Variants in SPATA21 observed in about 807,000 individuals in gnomAD.
SPATA21 encodes the protein spermatogenesis-associated protein 21.
A neutral mutation model predicts 54.8 loss-of-function variants in SPATA21; 47 were observed. The observed-to-expected ratio is 0.86, with a 90% CI of 0.68 to 1.09. SPATA21 has a LOEUF of 1.09. SPATA21 is among the 50% of genes least tolerant of loss of function. SPATA21 has a pLI of 0.00. For synonymous variants in SPATA21, 245 were observed against 235.3 expected (o/e 1.04, Z -0.38); for missense variants, 599 against 596.4 (o/e 1.00, Z -0.05).
intron 3 of SPATA21, among the ~76,000 whole-genome samples, chr1:16,429,146 TA>T (rs1301955011): frequency 6.6e-6 from 1 of 152,076 alleles, no homozygotes; most frequent in Non-Finnish European, 1.5e-5. Flanking sequence ...GTTGACTTTT[TA>T]TTTTTTTTTT....
At chr1:16,422,127 C>A (rs539256557) in intron 3 of SPATA21, 156 bp from the exon 4 acceptor site, 1 of 1,502,810 alleles carries the variant, frequency 6.7e-7, no homozygotes, top group African/African-American at 1.4e-5. Flanking sequence ...GCTGGCCAAG[C>A]GGCAGCAAGG....
Position 16,404,952 on chromosome 1 carries a change from C to G in SPATA21, c.811+15G>C, listed in dbSNP as rs775376261. Reference sequence around the variant, plus strand: ...GCCCTGCCTGGGATGCAGAGTGGAGCCCTCTGCCACTCACCATTGACATCA... The same window carrying G: ...GCCCTGCCTGGGATGCAGAGTGGAGGCCTCTGCCACTCACCATTGACATCA... On this transcript the variant is annotated intron_variant, in intron 8 of 12. Coordinates refer to ENST00000335496, the MANE Select transcript of SPATA21 (RefSeq NM_198546.1). The G allele has an allele frequency of 6.4e-7, 1 of 1,553,634 alleles. No homozygotes were observed. The highest frequency in any genetic ancestry group is 1.2e-5 in the South Asian group (1 of 80,514).
At chr1:16,426,522 G>T (rs866920667) in intron 3 of SPATA21, among the ~76,000 whole-genome samples, 3 of 146,306 alleles carry the variant, frequency 2.1e-5, no homozygotes, top group Non-Finnish European at 4.5e-5. Context: ...ACTTCCCAAA[G>T]TGTTGAGATT....
intron 3 of SPATA21, among the ~76,000 whole-genome samples, chr1:16,424,251 T>A (rs1224295578): frequency 1.6e-5 from 2 of 121,792 alleles, no homozygotes; most frequent in Non-Finnish European, 1.7e-5. Context: ...AGGCAGAGCT[T>A]GCAGTGAGCC....
chr1:16,406,481 A>G (rs935592462), intron 7 of SPATA21, among the ~76,000 whole-genome samples: 1 of 152,126 alleles, frequency 6.6e-6, no homozygotes, highest in African/African-American at 2.4e-5. Context: ...GATGGCTTAC[A>G]CCATCTACCC....
At chr1:16,434,105 T>C (rs1454858482) in intron 1 of SPATA21, among the ~76,000 whole-genome samples, 1 of 152,032 alleles carries the variant, frequency 6.6e-6, no homozygotes, top group Non-Finnish European at 1.5e-5. Context: ...AATCATACAA[T>C]ATATGGTCCT....
intron 5 of SPATA21, among the ~76,000 whole-genome samples, chr1:16,415,032 A>C (rs1032458817): frequency 1.3e-5 from 2 of 151,972 alleles, no homozygotes; most frequent in Non-Finnish European, 2.9e-5. Flanking sequence ...CCTAAAACAA[A>C]CTAGCAATTA....
In SPATA21 at chr1:16,421,493, C is replaced by G; in HGVS notation, c.144+16G>C. On this transcript the variant is annotated intron_variant, in intron 5 of 12. Transcript: ENST00000335496. The surrounding 1 kb of genome is among the most constrained non-coding windows in gnomAD (Gnocchi z 5.2). ...CCTACACAGCTCGTCCCCGTTCCCC[C>G]TATGGCCCTACTTACTGGTGGAGGA... 6.2e-7 allele frequency: 1 copy of G among 1,612,488 alleles called. No individual in the cohort carries two copies. Among genetic ancestry groups the G allele is most frequent in the Non-Finnish European group, 8.5e-7 (1 of 1,179,198 alleles).
rs201084869 is a variant in SPATA21 at position 16,431,408 on chromosome 1, T to C, written c.-37A>G. On this transcript the variant is annotated 5_prime_UTR_variant, in exon 3 of 13. An upstream start codon of the reference 5' UTR is lost. Transcript: ENST00000335496. ...CAACACGGGTGCCAAGTGAGGGGCA[T>C]CACCTAGTGTGCTCCTACAGGAGAA... is the stretch of plus-strand genomic sequence containing the variant. 2,026 of 1,613,142 alleles carry C rather than the reference T, an allele frequency of 1.3e-3. 32 individuals carry two copies. The South Asian group carries it at 0.016, about 13-fold the overall frequency.
intron 1 of SPATA21, among the ~76,000 whole-genome samples, chr1:16,435,854 T>C (rs965868233): frequency 6.6e-6 from 1 of 152,222 alleles, no homozygotes; most frequent in Non-Finnish European, 1.5e-5. Context: ...TCTAGATACA[T>C]GTCCTGAATC....
At chr1:16,419,323 G>A (rs980605567) in intron 5 of SPATA21, among the ~76,000 whole-genome samples, 1 of 152,184 alleles carries the variant, frequency 6.6e-6, no homozygotes, top group Non-Finnish European at 1.5e-5. Context: ...AGGGCTTTAT[G>A]GCTCTTGGTG....
Position 16,400,721 on chromosome 1 carries a change from A to G in SPATA21, c.1173T>C (p.Tyr391=). 1.9e-6 allele frequency: 3 copies of G among 1,567,966 alleles called. No individual in the cohort carries two copies. Among genetic ancestry groups the G allele is most frequent in the Admixed American group, 1.7e-5 (1 of 58,594 alleles). The part of the protein sequence containing the change: ...SILSRLKQQN[Y]APNLQSPYAQ... The stretch of plus-strand genomic sequence containing the variant: ...TCCCACCCTGCCCAGGGCCCTCACC[A>G]TAGTTCTGCTGCTTCAGCCGGCTCA... Residue 391 remains tyrosine, a splice_region_variant and synonymous_variant, in exon 11 of 13, where the codon TAT becomes TAC. Transcript: ENST00000335496.
At chr1:16,400,682 C>G (rs2085416148) in intron 11 of SPATA21, 38 bp downstream of exon 11, 1 of 1,575,722 alleles carries the variant, frequency 6.3e-7, no homozygotes, top group African/African-American at 1.4e-5. Flanking sequence ...GAGCAAAGCC[C>G]CAACCCTAGC....
rs143591795 is a variant in SPATA21, at chr1:16,400,802, G to A, written c.1092C>T (p.Tyr364=). ...CTGAGCTCTCTTCTTGCTGGGGGTTGTAGGGAAGCTTCTGCAACCGCAGCC... is the reference window on the plus strand; with the variant it reads ...CTGAGCTCTCTTCTTGCTGGGGGTTATAGGGAAGCTTCTGCAACCGCAGCC... ...VGRLRLQKLP[Y]NPQQEESSEV... Residue 364 remains tyrosine, a synonymous_variant, in exon 11 of 13, where the codon TAC becomes TAT. Transcript: ENST00000335496. 4 of 1,610,956 alleles carry A rather than the reference G, an allele frequency of 2.5e-6. No homozygotes were observed. Among genetic ancestry groups the A allele is most frequent in the Non-Finnish European group, 3.4e-6 (4 of 1,179,108 alleles).
intron 3 of SPATA21, among the ~76,000 whole-genome samples, chr1:16,424,324 AT>A (rs1194303735): frequency 4.7e-5 from 7 of 149,360 alleles, no homozygotes; most frequent in Non-Finnish European, 1.0e-4. Flanking sequence ...AAAAAAAAAA[AT>A]CTTACAGATA....
At chr1:16,411,029 C>G (rs1203812090) in intron 5 of SPATA21, 3 of 166,314 alleles carry the variant, frequency 1.8e-5, no homozygotes, top group South Asian at 2.6e-4. Context: ...GTTCCCTCCC[C>G]TCAGAGGGAC....
chr1:16,400,699 C>T, intron 11 of SPATA21, 21 bp downstream of exon 11: 2 of 1,599,232 alleles, frequency 1.3e-6, no homozygotes, highest in Non-Finnish European at 8.5e-7. Flanking sequence ...TAGCCCATCC[C>T]ACCCTGCCCA....
intron 1 of SPATA21, among the ~76,000 whole-genome samples, chr1:16,435,617 C>G (rs946804398): frequency 6.6e-6 from 1 of 150,448 alleles, no homozygotes; most frequent in African/African-American, 2.4e-5. Context: ...ATGCCCGGCC[C>G]CCCCCTTTTT....
Position 16,409,700 on chromosome 1 carries a change from G to C in SPATA21, c.488C>G (p.Pro163Arg), listed in dbSNP as rs1403579603. The C allele has an allele frequency of 1.2e-6, 2 of 1,613,098 alleles. No homozygotes were observed. The highest frequency in any genetic ancestry group is 3.3e-5 in the Admixed American group (2 of 59,970). Residue 163 changes from proline to arginine, a missense_variant, in exon 6 of 13, where the codon CCT becomes CGT. Coordinates refer to ENST00000335496, the MANE Select transcript of SPATA21 (RefSeq NM_198546.1). The surrounding 1 kb of genome is among the most constrained non-coding windows in gnomAD (Gnocchi z 4.1). ...PMGAPVPTSM[P>R]CPVLLGPALD... ...GGCAGGGCCCAGCAGGACAGGGCAAGGCATGGAGGTGGGGACCGGGGCTCC... is the reference window on the plus strand; with the variant it reads ...GGCAGGGCCCAGCAGGACAGGGCAACGCATGGAGGTGGGGACCGGGGCTCC...
Sources: allele counts gnomAD v4.1 joint callset (sites outside exome capture counted in the v4.1 genomes callset), GRCh38; gene constraint gnomAD v4.1.1; non-coding constraint Gnocchi (gnomAD v3.1); transcripts MANE v1.5; gene names NCBI Gene and HGNC (gene_info 2026-07-23, HGNC 2026-07-21).